The following ZNF536 variants were observed in gnomAD, a reference collection of about 807,000 sequenced individuals.
The protein encoded by ZNF536 is zinc finger protein 536.
A neutral mutation model predicts 84.5 loss-of-function variants in ZNF536; 13 were observed. The observed-to-expected ratio is 0.15, with a 90% CI of 0.10 to 0.24. The LOEUF (loss-of-function observed/expected upper bound fraction) is 0.24, where lower values mean the gene tolerates loss of function less well. Ranked by LOEUF, ZNF536 falls within the 10% of genes least tolerant of loss-of-function variation. ZNF536 has a pLI of 1.00. For synonymous variants in ZNF536, 811 were observed against 742.5 expected (o/e 1.09, Z -1.50); for missense variants, 1,536 against 1,747.5 (o/e 0.88, Z 2.16).
chr19:30,513,031 A>G (rs944414461), intron 2 of ZNF536, among the ~76,000 whole-genome samples: 1 of 151,408 alleles, frequency 6.6e-6, no homozygotes, highest in Admixed American at 6.6e-5. Context: ...ATCATATTTT[A>G]TTTTTTTTTC....
chr19:30,488,296 G>A (rs2054374117), intron 2 of ZNF536, among the ~76,000 whole-genome samples: 1 of 152,020 alleles, frequency 6.6e-6, no homozygotes, highest in South Asian at 2.1e-4. Context: ...CAATGTCAGT[G>A]GCCCTCTAAG....
Position 30,549,281 on chromosome 19 carries a change from T to A in ZNF536, c.3662T>A (p.Leu1221Gln). 6.2e-7 allele frequency: 1 copy of A among 1,613,812 alleles called. No homozygotes were observed. The highest frequency in any genetic ancestry group is 1.1e-5 in the South Asian group (1 of 91,078). ...GGCACCTCCCAGCCCGTCCAGGGAC[T>A]GGTCTCACCTTTATCCCAAGCACCG... is the stretch of plus-strand genomic sequence containing the variant. ...PTGTSQPVQGLVSPLSQAPEK... is the reference protein window; with the variant it reads ...PTGTSQPVQGQVSPLSQAPEK... The change falls in exon 4 of 5, where the codon CTG (leucine) becomes CAG (glutamine). Residue 1221 changes from leucine to glutamine, a missense_variant. Around this residue, in one of 8 missense-constraint regions of ZNF536, gnomAD observed 624 missense variants for 603.1 expected, o/e 1.03. Transcript: ENST00000355537.
chr19:30,500,030 G>A (rs1313804490), intron 2 of ZNF536, among the ~76,000 whole-genome samples: 1 of 152,152 alleles, frequency 6.6e-6, no homozygotes, highest in Non-Finnish European at 1.5e-5. Flanking sequence ...GTACTCCCAA[G>A]CTCACCTTTA....
chr19:30,348,808 TC>T (rs1261290762), intron 2 of ZNF536, among the ~76,000 whole-genome samples: 5 of 107,996 alleles, frequency 4.6e-5, no homozygotes, highest in African/African-American at 6.2e-5. Context: ...TCTTTTTTTT[TC>T]TTTTCTTTTT....
chr19:30,435,322 G>T (rs891390978), intron 1 of ZNF536, among the ~76,000 whole-genome samples: 1 of 151,004 alleles, frequency 6.6e-6, no homozygotes, highest in Non-Finnish European at 1.5e-5. Flanking sequence ...TGGTGATGGT[G>T]GTGATGATGA....
chr19:30,648,962 T>C (rs2049584774), intron 1 of ZNF536, among the ~76,000 whole-genome samples: 3 of 152,236 alleles, frequency 2.0e-5, no homozygotes, highest in Admixed American at 2.0e-4. Context: ...TCTTCTTCAC[T>C]GTTTCTCCGA....
At chr19:30,316,073 A>G (rs930291938) in intron 2 of ZNF536, among the ~76,000 whole-genome samples, 3 of 152,224 alleles carry the variant, frequency 2.0e-5, no homozygotes, top group East Asian at 3.8e-4. Context: ...TACGCTTAAA[A>G]TGCTGCAGTA....
chr19:30,416,288 AATTTTTT>A (rs1568407741), intron 1 of ZNF536, among the ~76,000 whole-genome samples: 1 of 56,862 alleles, frequency 1.8e-5, no homozygotes, highest in South Asian at 9.5e-4. Flanking sequence ...TTGTCCTCTG[AATTTTTT>A]TTTTTTTTTT....
intron 1 of ZNF536, among the ~76,000 whole-genome samples, chr19:30,391,590 A>G (rs986823048): frequency 1.3e-5 from 2 of 152,158 alleles, no homozygotes; most frequent in African/African-American, 4.8e-5. Context: ...AAACAAACAA[A>G]CAAACAATCA....
At chr19:30,585,611 G>A (rs997792514) in intron 1 of ZNF536, among the ~76,000 whole-genome samples, 5 of 152,120 alleles carry the variant, frequency 3.3e-5, no homozygotes, top group African/African-American at 1.2e-4. Flanking sequence ...CCACTGCTTG[G>A]GGTTACCAAG....
At chr19:30,370,114 C>T (rs879394526), upstream of ZNF536, among the ~76,000 whole-genome samples, 6 of 152,160 alleles carry the variant, frequency 3.9e-5, no homozygotes, top group Non-Finnish European at 8.8e-5. Context: ...TCAAACAGTT[C>T]TCCATTTATC....
At chr19:30,654,949 A>T (rs2147498792) in intron 1 of ZNF536, among the ~76,000 whole-genome samples, 1 of 152,234 alleles carries the variant, frequency 6.6e-6, no homozygotes, top group African/African-American at 2.4e-5. Context: ...ATGCTGGTTA[A>T]AGGCAGGATC....
intron 2 of ZNF536, among the ~76,000 whole-genome samples, chr19:30,471,061 T>G (rs2053614383): frequency 1.3e-5 from 2 of 149,172 alleles, no homozygotes; most frequent in South Asian, 4.5e-4. Flanking sequence ...GCTCAAGCAA[T>G]CCTCCCACCT....
At chr19:30,426,638 A>G (rs1033570622) in intron 1 of ZNF536, among the ~76,000 whole-genome samples, 18 of 152,150 alleles carry the variant, frequency 1.2e-4, no homozygotes, top group Admixed American at 8.5e-4. Context: ...ATGAGCACCC[A>G]CGCCTTGCCC....
At chr19:30,495,365 G>A (rs78428222) in intron 2 of ZNF536, among the ~76,000 whole-genome samples, 2,086 of 152,292 alleles carry the variant, frequency 0.014, 47 homozygotes, top group African/African-American at 0.047. Flanking sequence ...GCAGTATCTG[G>A]TACTAAGTCA....
chr19:30,639,075 T>C (rs1361137273), intron 1 of ZNF536, among the ~76,000 whole-genome samples: 1 of 152,222 alleles, frequency 6.6e-6, no homozygotes, highest in Non-Finnish European at 1.5e-5. Context: ...CTGATTACAT[T>C]AGCTGTTGCC....
At chr19:30,680,663 T>C (rs1334748053) in intron 1 of ZNF536, among the ~76,000 whole-genome samples, 1 of 152,130 alleles carries the variant, frequency 6.6e-6, no homozygotes, top group African/African-American at 2.4e-5. Flanking sequence ...TGTTGGACAT[T>C]TGGGTTGGTT....
chr19:30,378,136 C>T (rs2147124754), intron 1 of ZNF536, among the ~76,000 whole-genome samples: 1 of 152,292 alleles, frequency 6.6e-6, no homozygotes, highest in Middle Eastern at 3.4e-3. Context: ...TCGCCCCAGC[C>T]TGGATGCCCT....
rs1157887399 is a variant in ZNF536, at chr19:30,444,531, C to T, written c.969C>T (p.His323=). ...TCATCAGCCACGTGGAGAAGGCACA[C>T]ATCACGGCCGAGTCGGCCCAGGGCC... The part of the protein sequence containing the change: ...EELISHVEKA[H]ITAESAQGQG... The change falls in exon 2 of 5, where the codon CAC becomes CAT. Residue 323 remains histidine (H), a synonymous_variant. Transcript: ENST00000355537. 2 of 1,613,082 alleles carry T rather than the reference C, an allele frequency of 1.2e-6. No homozygotes were observed. Among genetic ancestry groups the T allele is most frequent in the Non-Finnish European group, 1.7e-6 (2 of 1,179,900 alleles).
Sources: allele counts gnomAD v4.1 joint callset (sites outside exome capture counted in the v4.1 genomes callset), GRCh38; gene constraint gnomAD v4.1.1; regional missense constraint gnomAD v4.1.1; transcripts MANE v1.5; gene names NCBI Gene and HGNC (gene_info 2026-07-23, HGNC 2026-07-21).